CGAS: variants seen among roughly 807,000 people sequenced by gnomAD.
CGAS encodes the protein cyclic GMP-AMP synthase, also known as 2'3'-cGAMP synthase.
CGAS carries 31 observed loss-of-function variants against 34.0 expected under a neutral mutation model. That is an observed-to-expected ratio of 0.91 (90% CI 0.69 to 1.23). The LOEUF is 1.23. CGAS is among the 50% of genes most tolerant of loss of function. The pLI is 0.00. For synonymous variants in CGAS, 266 were observed against 260.0 expected (o/e 1.02, Z -0.22); for missense variants, 597 against 657.6 (o/e 0.91, Z 1.01).
At chr6:73,433,646 G>A (rs1392030493) in intron 3 of CGAS, among the ~76,000 whole-genome samples, 2 of 151,946 alleles carry the variant, frequency 1.3e-5, no homozygotes, top group African/African-American at 4.8e-5. Context: ...GTGCCACCAT[G>A]CCCAGCTAAT....
chr6:73,433,487 T>G (rs939901244), intron 3 of CGAS, among the ~76,000 whole-genome samples: 1 of 149,536 alleles, frequency 6.7e-6, no homozygotes, highest in Non-Finnish European at 1.5e-5. Context: ...ATAGAGAGTT[T>G]TTTTTTTTTA....
Position 73,451,924 on chromosome 6 carries a change from C to A in CGAS, c.258G>T (p.Gln86His), listed in dbSNP as rs1770576931. The change falls in exon 1 of 5, where the codon CAG (glutamine) becomes CAT (histidine). Residue 86 changes from glutamine (Q) to histidine (H), a missense_variant. Around this residue, in one of 3 missense-constraint regions of CGAS, gnomAD observed 321 missense variants for 314.3 expected, o/e 1.02. Transcript: ENST00000370315. Reference protein sequence around the residue: ...ATGARAKKAPQRAQDTQPSDA... With the variant: ...ATGARAKKAPHRAQDTQPSDA... ...CAGACGGCTGCGTGTCCTGGGCGCG[C>A]TGAGGGGCCTTTTTGGCGCGGGCCC... is the stretch of plus-strand genomic sequence containing the variant. The A allele has an allele frequency of 6.6e-7, 1 of 1,506,764 alleles. No homozygotes were observed. Among genetic ancestry groups the A allele is most frequent in the African/African-American group, 1.4e-5 (1 of 71,298 alleles). The allele number at this position is 1,506,764 out of a possible 1,614,324, so 93.3% of individuals were successfully genotyped here.
At chr6:73,450,097 G>GAAGAGA (rs1554239284) in intron 1 of CGAS, among the ~76,000 whole-genome samples, 9 of 149,840 alleles carry the variant, frequency 6.0e-5, no homozygotes, top group Admixed American at 2.7e-4. Context: ...CAGAGAGATA[G>GAAGAGA]AGAGAAGAGA....
Position 73,425,269 on chromosome 6 carries a change from T to C in CGAS, c.1527A>G (p.Glu509=), listed in dbSNP as rs777006094. 2.5e-6 allele frequency: 4 copies of C among 1,594,146 alleles called. No homozygotes were observed. The highest frequency in any genetic ancestry group is 3.4e-6 in the Non-Finnish European group (4 of 1,173,034). ...CTGGAAACTCATTGTTTCTTTCATA[T>C]TCAATTTGCTTTGTCAGAAATTCCT... ...RSKEFLTKQI[E]YERNNEFPVF... The change falls in exon 5 of 5, where the codon GAA becomes GAG. Residue 509 remains glutamate, a synonymous_variant. Transcript: ENST00000370315.
chr6:73,450,069 G>A (rs1243755241), intron 1 of CGAS, among the ~76,000 whole-genome samples: 1 of 150,984 alleles, frequency 6.6e-6, no homozygotes, highest in African/African-American at 2.4e-5. Context: ...AAGAGAGGGA[G>A]GGAGGAAAAG....
intron 3 of CGAS, among the ~76,000 whole-genome samples, chr6:73,436,360 A>T (rs1037633256): frequency 6.0e-5 from 9 of 149,374 alleles, no homozygotes; most frequent in Non-Finnish European, 1.3e-4. Context: ...AATATATATT[A>T]AATATAAGTA....
intron 3 of CGAS, among the ~76,000 whole-genome samples, chr6:73,438,288 A>G (rs1380294521): frequency 6.6e-6 from 1 of 152,170 alleles, no homozygotes; most frequent in Non-Finnish European, 1.5e-5. Flanking sequence ...CTAATTATAC[A>G]TAATCTGGAA....
rs781490352 is a variant in CGAS, at chr6:73,451,522, C to T, written c.657+3G>A. 1.9e-6 allele frequency: 3 copies of T among 1,544,984 alleles called. No homozygotes were observed. The highest frequency in any genetic ancestry group is 2.4e-5 in the South Asian group (2 of 84,370). On this transcript the variant is annotated splice_donor_region_variant and intron_variant, in intron 1 of 4. Coordinates refer to ENST00000370315, the MANE Select transcript of CGAS (RefSeq NM_138441.3). The stretch of plus-strand genomic sequence containing the variant: ...CTCGGCGGGAGGGCGCCAAGCAGCT[C>T]ACCTTCACGTGCTCATAGTAGCTCC...
In CGAS at chr6:73,428,635, G is replaced by A. The variant is rs1310314885; in HGVS notation, c.1217+74C>T. The A allele has an allele frequency of 9.5e-6, 13 of 1,374,772 alleles. No individual in the cohort carries two copies. In the Admixed American group the frequency reaches 1.6e-4, roughly 17 times the overall value. 85.2% of individuals were successfully genotyped at this position (1,374,772 alleles called of 1,614,324 possible). Reference sequence around the variant, plus strand: ...GACCCAACCCAGCTCAGCTCTTCAGGTCTGAGGTGTGGAGTCAACAAATAA... The same window carrying A: ...GACCCAACCCAGCTCAGCTCTTCAGATCTGAGGTGTGGAGTCAACAAATAA... On this transcript the variant is annotated intron_variant, in intron 4 of 4. Coordinates refer to ENST00000370315, the MANE Select transcript of CGAS (RefSeq NM_138441.3).
At chr6:73,439,373 C>G (rs985171154) in intron 3 of CGAS, among the ~76,000 whole-genome samples, 1 of 150,598 alleles carries the variant, frequency 6.6e-6, no homozygotes, top group Non-Finnish European at 1.5e-5. Flanking sequence ...CCCAGCTACT[C>G]GGGAGGATGG....
At position 73,452,025 on chromosome 6, in the gene CGAS, G is replaced by C. The variant is rs1048612855; in HGVS notation, c.157C>G (p.Pro53Ala). The change falls in exon 1 of 5, where the codon CCC becomes GCC. Residue 53 changes from proline to alanine, a missense_variant. Around this residue, in one of 3 missense-constraint regions of CGAS, gnomAD observed 321 missense variants for 314.3 expected, o/e 1.02. Transcript: ENST00000370315. The stretch of plus-strand genomic sequence containing the variant: ...TGCCGGGATCCCGACTTCCTGGCGG[G>C]GCCGAACTTTCCCGCCTTAGGCAGG... ...AALPKAGKFG[P>A]ARKSGSRQKK... is the part of the protein sequence containing the mutation. 1.3e-6 allele frequency: 2 copies of C among 1,490,006 alleles called. No homozygotes were observed. Among genetic ancestry groups the C allele is most frequent in the African/African-American group, 2.8e-5 (2 of 70,508 alleles). 92.3% of individuals were successfully genotyped at this position (1,490,006 alleles called of 1,614,324 possible).
At chr6:73,445,033 T>G (rs775862295) in intron 2 of CGAS, among the ~76,000 whole-genome samples, 3 of 152,106 alleles carry the variant, frequency 2.0e-5, no homozygotes, top group Non-Finnish European at 2.9e-5. Context: ...TATAGATTCC[T>G]GTGGTACATC....
chr6:73,437,435 T>A (rs1390898301), intron 3 of CGAS, among the ~76,000 whole-genome samples: 1 of 151,092 alleles, frequency 6.6e-6, no homozygotes, highest in Non-Finnish European at 1.5e-5. Flanking sequence ...GTCCAGAGAC[T>A]TTTTTTTTGG....
intron 3 of CGAS, among the ~76,000 whole-genome samples, chr6:73,436,563 C>T (rs1195005771): frequency 1.3e-5 from 2 of 151,780 alleles, no homozygotes; most frequent in Non-Finnish European, 2.9e-5. Flanking sequence ...CACTCTGTTA[C>T]CCAGGCTAGA....
intron 2 of CGAS, among the ~76,000 whole-genome samples, chr6:73,443,485 G>A (rs562687723): frequency 2.6e-5 from 4 of 151,630 alleles, no homozygotes; most frequent in African/African-American, 4.8e-5. Context: ...TGATCCACCC[G>A]CCTCGGCCTC....
chr6:73,432,726 T>C (rs1193565688), intron 3 of CGAS, among the ~76,000 whole-genome samples: 1 of 152,110 alleles, frequency 6.6e-6, no homozygotes, highest in Non-Finnish European at 1.5e-5. Flanking sequence ...AAAATGCTGG[T>C]ATTACAAGCA....
intron 2 of CGAS, among the ~76,000 whole-genome samples, chr6:73,440,728 C>G (rs965205190): frequency 1.3e-5 from 2 of 151,898 alleles, no homozygotes; most frequent in African/African-American, 4.8e-5. Context: ...ATGGTGGAAC[C>G]CCATCTCTAC....
chr6:73,436,433 T>C (rs1178376007), intron 3 of CGAS, among the ~76,000 whole-genome samples: 1 of 104,066 alleles, frequency 9.6e-6, no homozygotes. Context: ...TTATATGTAA[T>C]ATGTCATATA....
At chr6:73,443,730 T>C (rs1770421723) in intron 2 of CGAS, among the ~76,000 whole-genome samples, 1 of 152,340 alleles carries the variant, frequency 6.6e-6, no homozygotes, top group Admixed American at 6.5e-5. Context: ...GCTTGCAAGA[T>C]AAAGCTCTTA....
Sources: allele counts gnomAD v4.1 joint callset (sites outside exome capture counted in the v4.1 genomes callset), GRCh38; gene constraint gnomAD v4.1.1; regional missense constraint gnomAD v4.1.1; transcripts MANE v1.5; gene names NCBI Gene and HGNC (gene_info 2026-07-23, HGNC 2026-07-21).